The following AVL9 variants were observed in gnomAD, a reference collection of about 807,000 sequenced individuals.
The protein encoded by AVL9 is late secretory pathway protein AVL9 homolog.
Under a neutral mutation model 79.2 loss-of-function variants are expected in AVL9, and 49 were observed. The observed-to-expected ratio is 0.62, with a 90% CI of 0.49 to 0.79. AVL9 has a LOEUF of 0.79. Among genes scored for constraint, AVL9 ranks in the 30% least tolerant of loss-of-function variants. The pLI is 0.00. For missense variants in AVL9, 682 were observed against 776.8 expected (o/e 0.88, Z 1.45); for synonymous variants, 299 against 280.6 (o/e 1.07, Z -0.65).
intron 2 of AVL9, among the ~76,000 whole-genome samples, chr7:32,544,088 A>G (rs892414636): frequency 1.1e-4 from 16 of 152,232 alleles, no homozygotes; most frequent in Non-Finnish European, 1.9e-4. Flanking sequence ...AAGGACTGCT[A>G]CAAACATGTG....
intron 1 of AVL9, among the ~76,000 whole-genome samples, chr7:32,496,539 C>T (rs1160475125): frequency 1.3e-5 from 2 of 152,164 alleles, no homozygotes; most frequent in African/African-American, 2.4e-5. Flanking sequence ...GGAATATTTG[C>T]AATCTATGTA....
At chr7:32,553,816 C>A in intron 7 of AVL9, 49 bp downstream of exon 7, 1 of 1,366,912 alleles carries the variant, frequency 7.3e-7, no homozygotes, top group Non-Finnish European at 1.0e-6. Context: ...ACTAAAATGG[C>A]CAACACTGTT....
At chr7:32,513,203 C>A (rs1009063448) in intron 1 of AVL9, among the ~76,000 whole-genome samples, 1 of 152,034 alleles carries the variant, frequency 6.6e-6, no homozygotes, top group Non-Finnish European at 1.5e-5. Context: ...CTTTGTAAAC[C>A]AAAAATAAAA....
intron 1 of AVL9, among the ~76,000 whole-genome samples, chr7:32,526,721 T>C (rs1335109552): frequency 6.6e-6 from 1 of 151,980 alleles, no homozygotes; most frequent in African/African-American, 2.4e-5. Context: ...AAAAGAGACA[T>C]TTTTTCAAAA....
chr7:32,580,072 A>C, intron 13 of AVL9, 147 bp from the exon 14 acceptor site: 1 of 629,694 alleles, frequency 1.6e-6, no homozygotes, highest in Non-Finnish European at 2.8e-6. Flanking sequence ...GAGAGCTGTG[A>C]CCAAAGCCAA....
intron 1 of AVL9, among the ~76,000 whole-genome samples, chr7:32,518,717 A>G (rs1358909119): frequency 6.6e-6 from 1 of 152,196 alleles, no homozygotes; most frequent in African/African-American, 2.4e-5. Flanking sequence ...GACAAACCAG[A>G]AAGTCCAAGC....
chr7:32,541,226 G>C (rs908789238), intron 1 of AVL9, among the ~76,000 whole-genome samples: 2 of 151,540 alleles, frequency 1.3e-5, no homozygotes, highest in African/African-American at 4.8e-5. Flanking sequence ...AGAATTTTCT[G>C]TATTAAACTT....
At chr7:32,546,249 G>C (rs924253850) in intron 3 of AVL9, among the ~76,000 whole-genome samples, 12 of 151,976 alleles carry the variant, frequency 7.9e-5, no homozygotes, top group Non-Finnish European at 1.3e-4. Flanking sequence ...TTAAAACATA[G>C]TACCTTGAGT....
chr7:32,578,989 A>G (rs921687078), intron 13 of AVL9, among the ~76,000 whole-genome samples: 1 of 152,044 alleles, frequency 6.6e-6, no homozygotes, highest in Non-Finnish European at 1.5e-5. Context: ...TGCCAGGAAC[A>G]CAGAGAATGA....
Position 32,546,083 on chromosome 7 carries a change from T to TTTTTTTTTA in AVL9, c.300+1304_300+1305insTTTTTTTTA, listed in dbSNP as rs1554340432. Among the ~76,000 whole-genome samples, 1,144 of 144,792 alleles carry TTTTTTTTTA rather than the reference T, an allele frequency of 7.9e-3. 28 individuals are homozygous for TTTTTTTTTA. Among genetic ancestry groups the TTTTTTTTTA allele is most frequent in the East Asian group, 0.031 (154 of 4,936 alleles). The allele number at this position is 144,792 out of a possible 152,430, so 95.0% of individuals were successfully genotyped here. The stretch of plus-strand genomic sequence containing the variant: ...TTACCTGGAGACTTTTTTTTTTTTT[T>TTTTTTTTTA]AAATATCTGTACCTAGCTTTTCCTC... On this transcript the variant is annotated intron_variant, in intron 3 of 15. Coordinates refer to ENST00000318709, the MANE Select transcript of AVL9 (RefSeq NM_015060.3).
At chr7:32,528,753 G>C (rs1788510782) in intron 1 of AVL9, among the ~76,000 whole-genome samples, 1 of 152,224 alleles carries the variant, frequency 6.6e-6, no homozygotes, top group South Asian at 2.1e-4. Context: ...GCTCACGCCT[G>C]TAATCCCAGC....
chr7:32,519,229 C>A (rs1237661712), intron 1 of AVL9, among the ~76,000 whole-genome samples: 1 of 152,116 alleles, frequency 6.6e-6, no homozygotes, highest in Non-Finnish European at 1.5e-5. Context: ...GAGTTCGAGA[C>A]CAGCCTGGCC....
chr7:32,587,211 C>T lies in AVL9; in HGVS notation c.*3304C>T, dbSNP rs1446180289. 1 of 152,142 alleles carries T rather than the reference C, an allele frequency of 6.6e-6. No homozygotes were observed. The highest frequency in any genetic ancestry group is 6.5e-5 in the Admixed American group (1 of 15,274). 9.4% of individuals were successfully genotyped at this position (152,142 alleles called of 1,614,324 possible). A position where few individuals can be genotyped will look rare whatever the true frequency, so the allele number is the denominator to read the frequency against. On this transcript the variant is annotated 3_prime_UTR_variant, in exon 16 of 16. Transcript: ENST00000318709. The stretch of plus-strand genomic sequence containing the variant: ...AAGAGAGAGAAGTGAGAAATTGTTG[C>T]ATGGCTGAGGAACAAGATGCTTAAA...
At chr7:32,524,470 A>G (rs533197756) in intron 1 of AVL9, among the ~76,000 whole-genome samples, 1 of 152,118 alleles carries the variant, frequency 6.6e-6, no homozygotes, top group Non-Finnish European at 1.5e-5. Flanking sequence ...AACCGAGATC[A>G]TGCTACTGCA....
Position 32,573,217 on chromosome 7 carries a change from C to G in AVL9, c.1369C>G (p.Gln457Glu), listed in dbSNP as rs750770968. The G allele has an allele frequency of 2.5e-6, 4 of 1,613,826 alleles. No homozygotes were observed. Among genetic ancestry groups the G allele is most frequent in the Admixed American group, 3.3e-5 (2 of 59,944 alleles). Residue 457 changes from glutamine (Q) to glutamate (E), a missense_variant, in exon 12 of 16, where the codon CAG becomes GAG. Gln to Glu is a conservative substitution (Grantham distance 29). Coordinates refer to ENST00000318709, the MANE Select transcript of AVL9 (RefSeq NM_015060.3). ...CCTCTAGGTAGAAGAAGCTCTGATC[C>G]AGATCCATGATCCAGAACTCAGGAA... ...AIVEVEEALI[Q>E]IHDPELRKLL...
chr7:32,582,418 G>A (rs931771971), intron 15 of AVL9, among the ~76,000 whole-genome samples: 1 of 152,140 alleles, frequency 6.6e-6, no homozygotes, highest in African/African-American at 2.4e-5. Context: ...AACACACAGC[G>A]CTACCACTAG....
At chr7:32,568,265 A>ATCTT (rs1790674952) in intron 10 of AVL9, among the ~76,000 whole-genome samples, 1 of 150,278 alleles carries the variant, frequency 6.7e-6, no homozygotes, top group South Asian at 2.1e-4. Context: ...CGATGGTGCC[A>ATCTT]TCTTGGCTCA....
chr7:32,574,022 C>T (rs1790975267), intron 12 of AVL9, among the ~76,000 whole-genome samples: 1 of 152,106 alleles, frequency 6.6e-6, no homozygotes, highest in African/African-American at 2.4e-5. Flanking sequence ...GAAAATGGAG[C>T]TCTGCAGTGA....
At chr7:32,515,939 T>C (rs1198288432) in intron 1 of AVL9, among the ~76,000 whole-genome samples, 2 of 152,232 alleles carry the variant, frequency 1.3e-5, no homozygotes, top group Non-Finnish European at 2.9e-5. Context: ...AAAATTGTTC[T>C]TTCATTTACT....
Sources: allele counts gnomAD v4.1 joint callset (sites outside exome capture counted in the v4.1 genomes callset), GRCh38; gene constraint gnomAD v4.1.1; transcripts MANE v1.5; gene names NCBI Gene and HGNC (gene_info 2026-07-23, HGNC 2026-07-21).